SECTM1: variants seen among roughly 807,000 people sequenced by gnomAD.
SECTM1 encodes the protein secreted and transmembrane protein 1.
Under a neutral mutation model 18.1 loss-of-function variants are expected in SECTM1, and 10 were observed. The observed-to-expected ratio is 0.55, with a 90% CI of 0.34 to 0.94. The LOEUF is 0.94. Ranked by LOEUF, SECTM1 falls within the 40% of genes least tolerant of loss-of-function variation. The pLI is 0.02. For missense variants in SECTM1, 297 were observed against 322.6 expected (o/e 0.92, Z 0.61); for synonymous variants, 137 against 139.2 (o/e 0.98, Z 0.11).
In SECTM1 at chr17:82,321,626, G is replaced by T; in HGVS notation, c.*535C>A. ...CGGCCTGCGCTGCCCCCTGGCGGTGGGGCCAGGAGCCATCCCAGCCTCTAA... is the reference window on the plus strand; with the variant it reads ...CGGCCTGCGCTGCCCCCTGGCGGTGTGGCCAGGAGCCATCCCAGCCTCTAA... On this transcript the variant is annotated 3_prime_UTR_variant, in exon 5 of 5. Transcript: ENST00000269389. 6.5e-6 allele frequency: 1 copy of T among 153,386 alleles called. No individual in the cohort carries two copies. The highest frequency in any genetic ancestry group is 1.8e-4 in the South Asian group (1 of 5,564). 9.5% of individuals were successfully genotyped at this position (153,386 alleles called of 1,614,324 possible).
chr17:82,330,124 C>A lies in SECTM1; in HGVS notation c.-52-2832G>T, dbSNP rs1287860582. On this transcript the variant is annotated intron_variant, in intron 1 of 4. Transcript: ENST00000269389. The surrounding 1 kb of genome is among the most constrained non-coding windows in gnomAD (Gnocchi z 6.1). The stretch of plus-strand genomic sequence containing the variant: ...GGGGGCCTGGGTCCGGCTCCCTCAC[C>A]CCACGCTCCACGATGCCAGCTCAGC... 6.6e-6 allele frequency among the ~76,000 whole-genome samples: 1 copy of A among 152,168 alleles called. No homozygotes were observed. Among genetic ancestry groups the A allele is most frequent in the African/African-American group, 2.4e-5 (1 of 41,440 alleles).
chr17:82,328,782 G>A lies in SECTM1; in HGVS notation c.-52-1490C>T, dbSNP rs905744773. Among the ~76,000 whole-genome samples, 2 of 152,174 alleles carry A rather than the reference G, an allele frequency of 1.3e-5. No individual in the cohort carries two copies. Among genetic ancestry groups the A allele is most frequent in the African/African-American group, 4.8e-5 (2 of 41,432 alleles). ...CAGCCGAGAGAACTCCACCTTCGAA[G>A]GCGGCTGGGGCAAGGGTTCGTGGCC... On this transcript the variant is annotated intron_variant, in intron 1 of 4. Transcript: ENST00000269389. This position sits in a 1 kb window ranked among gnomAD's most constrained non-coding sequence, Gnocchi z 5.8.
chr17:82,322,761 T>TC, intron 4 of SECTM1, 117 bp downstream of exon 4: 2 of 1,287,926 alleles, frequency 1.6e-6, no homozygotes, highest in Non-Finnish European at 1.1e-6. Flanking sequence ...GGACCGGTGC[T>TC]CCCCCCACCC....
chr17:82,333,839 A>G (rs1159160032), upstream of SECTM1: 1 of 152,238 alleles, frequency 6.6e-6, no homozygotes, highest in Non-Finnish European at 1.5e-5. Flanking sequence ...ATGAGGAAGG[A>G]GCTGGGTTTA....
intron 1 of SECTM1, among the ~76,000 whole-genome samples, chr17:82,332,351 G>A (rs987115968): frequency 1.3e-5 from 2 of 152,136 alleles, no homozygotes; most frequent in Admixed American, 6.5e-5. Flanking sequence ...CGCCCAGCAC[G>A]CCTGCGCATG....
intron 1 of SECTM1, 84 bp from the exon 2 acceptor site, chr17:82,327,376 G>T: frequency 1.4e-6 from 1 of 737,006 alleles, no homozygotes; most frequent in Non-Finnish European, 2.3e-6. Context: ...GGCGGGGGCT[G>T]GGAGGCTGGG....
chr17:82,332,780 C>T (rs2052202300), intron 1 of SECTM1, among the ~76,000 whole-genome samples: 1 of 152,234 alleles, frequency 6.6e-6, no homozygotes, highest in Non-Finnish European at 1.5e-5. Flanking sequence ...CACCTGTCCC[C>T]TCTGCTGGTG....
In SECTM1 at chr17:82,330,273, G is replaced by C. The variant is rs1440615933; in HGVS notation, c.-52-2981C>G. On this transcript the variant is annotated intron_variant, in intron 1 of 4. Coordinates refer to ENST00000269389, the MANE Select transcript of SECTM1 (RefSeq NM_003004.3). This position sits in a 1 kb window ranked among gnomAD's most constrained non-coding sequence, Gnocchi z 6.1. ...AGGGGATGCCCTGCTGCTCTCCCCA[G>C]GCTGCTCTGGGGAGTCCTGCCCTCA... 6.6e-6 allele frequency among the ~76,000 whole-genome samples: 1 copy of C among 152,176 alleles called. No individual in the cohort carries two copies. The highest frequency in any genetic ancestry group is 1.5e-5 in the Non-Finnish European group (1 of 68,004).
In SECTM1 at chr17:82,326,306, T is replaced by C. The variant is rs1006260695; in HGVS notation, c.94+841A>G. ...GGATGTGGCTGAGCTCTGACATCTTTTAAAAGCCCCTCGGGTGGCTCAGTG... is the reference window on the plus strand; with the variant it reads ...GGATGTGGCTGAGCTCTGACATCTTCTAAAAGCCCCTCGGGTGGCTCAGTG... On this transcript the variant is annotated intron_variant, in intron 2 of 4. Coordinates refer to ENST00000269389, the MANE Select transcript of SECTM1 (RefSeq NM_003004.3). The surrounding 1 kb of genome is among the most constrained non-coding windows in gnomAD (Gnocchi z 4.3). 6.6e-6 allele frequency among the ~76,000 whole-genome samples: 1 copy of C among 152,190 alleles called. No individual in the cohort carries two copies.
intron 1 of SECTM1, among the ~76,000 whole-genome samples, chr17:82,332,704 G>C (rs977665523): frequency 2.0e-4 from 30 of 152,346 alleles, no homozygotes; most frequent in African/African-American, 6.5e-4. Context: ...GGGGACCCCA[G>C]GTGAGCAGCA....
chr17:82,322,791 G>T, intron 4 of SECTM1, 87 bp downstream of exon 4: 1 of 1,498,920 alleles, frequency 6.7e-7, no homozygotes, highest in Non-Finnish European at 9.1e-7. Flanking sequence ...GCCCCAGCAG[G>T]TGCAGGACAG....
chr17:82,327,782 G>A (rs1016327778), intron 1 of SECTM1, among the ~76,000 whole-genome samples: 3 of 152,152 alleles, frequency 2.0e-5, no homozygotes, highest in Non-Finnish European at 2.9e-5. Flanking sequence ...ACAGAGCTTC[G>A]GCATTACAAT....
chr17:82,333,412 ATACTCGGG>A lies in SECTM1; in HGVS notation c.-53+280_-53+287del, dbSNP rs1374442499. Among the ~76,000 whole-genome samples, 10 of 152,072 alleles carry A rather than the reference ATACTCGGG, an allele frequency of 6.6e-5. No homozygotes were observed. In the East Asian group the frequency reaches 1.9e-3, roughly 30 times the overall value. The stretch of plus-strand genomic sequence containing the variant: ...ACCGGCCGGCAGCTCGTTCCCGCCC[ATACTCGGG>A]TACGCCCGCTGCGACCCCGCCCGCC... On this transcript the variant is annotated intron_variant, in intron 1 of 4. Coordinates refer to ENST00000269389, the MANE Select transcript of SECTM1 (RefSeq NM_003004.3).
chr17:82,321,151 C>T lies in SECTM1; in HGVS notation c.*1010G>A, dbSNP rs971575617. The T allele has an allele frequency of 6.6e-6, 1 of 152,226 alleles. No individual in the cohort carries two copies. Among genetic ancestry groups the T allele is most frequent in the Non-Finnish European group, 1.5e-5 (1 of 68,048 alleles). The allele number at this position is 152,226 out of a possible 1,614,324, so 9.4% of individuals were successfully genotyped here. A position where few individuals can be genotyped will look rare whatever the true frequency, so the allele number is the denominator to read the frequency against. ...AGGCCTCGGTCACCGGGCGCCGCCG[C>T]GTCCCTGCGGGGTCTCCACCTGGCT... On this transcript the variant is annotated 3_prime_UTR_variant, in exon 5 of 5. Coordinates refer to ENST00000269389, the MANE Select transcript of SECTM1 (RefSeq NM_003004.3).
chr17:82,324,521 CCTCCCCT>C, intron 3 of SECTM1, 54 bp downstream of exon 3: 2 of 617,384 alleles, frequency 3.2e-6, no homozygotes, highest in Non-Finnish European at 5.0e-6. Context: ...GCCCAGGCCC[CCTCCCCT>C]CCCCGTGTCC....
Position 82,325,316 on chromosome 17 carries a change from A to G in SECTM1, c.95-426T>C, listed in dbSNP as rs1460015633. Among the ~76,000 whole-genome samples, 2 of 152,022 alleles carry G rather than the reference A, an allele frequency of 1.3e-5. No individual in the cohort carries two copies. Among genetic ancestry groups the G allele is most frequent in the East Asian group, 1.9e-4 (1 of 5,188 alleles). On this transcript the variant is annotated intron_variant, in intron 2 of 4. Coordinates refer to ENST00000269389, the MANE Select transcript of SECTM1 (RefSeq NM_003004.3). The surrounding 1 kb of genome is among the most constrained non-coding windows in gnomAD (Gnocchi z 7.6). The stretch of plus-strand genomic sequence containing the variant: ...TCGTGGGAAGCAGTGGCCAGGCCCC[A>G]CCGCCCCCAGCTCCCTCCTGTTTCT...
At chr17:82,331,220 G>A (rs1054633497) in intron 1 of SECTM1, among the ~76,000 whole-genome samples, 4 of 152,204 alleles carry the variant, frequency 2.6e-5, no homozygotes, top group African/African-American at 9.7e-5. Flanking sequence ...GGGCCTGGAA[G>A]ACCCCTGTCT....
At chr17:82,333,082 C>T (rs1182178440) in intron 1 of SECTM1, among the ~76,000 whole-genome samples, 1 of 152,204 alleles carries the variant, frequency 6.6e-6, no homozygotes. Flanking sequence ...CCTCACGGTT[C>T]CTGTTTCATG....
chr17:82,331,999 G>A (rs564072006), intron 1 of SECTM1, among the ~76,000 whole-genome samples: 11 of 152,302 alleles, frequency 7.2e-5, no homozygotes, highest in South Asian at 4.1e-4. Flanking sequence ...AAAATTAGCC[G>A]GGCGTGGTGG....
Sources: allele counts gnomAD v4.1 joint callset (sites outside exome capture counted in the v4.1 genomes callset), GRCh38; gene constraint gnomAD v4.1.1; non-coding constraint Gnocchi (gnomAD v3.1); transcripts MANE v1.5; gene names NCBI Gene and HGNC (gene_info 2026-07-23, HGNC 2026-07-21).